The following MSH4 variants were observed in gnomAD, a reference collection of about 807,000 sequenced individuals.
MSH4 encodes mutS protein homolog 4.
MSH4 carries 106 observed loss-of-function variants against 113.7 expected under a neutral mutation model. The observed-to-expected ratio is 0.93, with a 90% CI of 0.80 to 1.10. The LOEUF is 1.10. Ranked by LOEUF, MSH4 falls within the 50% of genes least tolerant of loss-of-function variation. The pLI is 0.00. For missense variants in MSH4, 1,061 were observed against 1,093.7 expected, an observed-to-expected ratio of 0.97 and a Z score of 0.42; for synonymous variants, 368 against 380.2, an observed-to-expected ratio of 0.97 and a Z score of 0.37.
At chr1:75,889,392 A>C in intron 16 of MSH4, 23 bp downstream of exon 16, 1 of 1,089,908 alleles carries the variant, frequency 9.2e-7, no homozygotes, top group Non-Finnish European at 1.3e-6. Flanking sequence ...AACTTTTCTT[A>C]TGTTAAAAAC....
intron 7 of MSH4, among the ~76,000 whole-genome samples, chr1:75,828,250 G>T (rs1466677927): frequency 6.6e-6 from 1 of 152,162 alleles, no homozygotes; most frequent in African/African-American, 2.4e-5. Context: ...GCAGTTTGGA[G>T]ATTTCTCAGA....
intron 2 of MSH4, among the ~76,000 whole-genome samples, 171 bp from the exon 3 acceptor site, chr1:75,806,810 T>G (rs1199803806): frequency 3.3e-5 from 5 of 152,196 alleles, no homozygotes; most frequent in Admixed American, 3.3e-4. Context: ...TGATTGAAAT[T>G]ATAGTTGTAC....
At chr1:75,798,824 C>G (rs1649874898) in intron 1 of MSH4, among the ~76,000 whole-genome samples, 1 of 152,080 alleles carries the variant, frequency 6.6e-6, no homozygotes, top group Non-Finnish European at 1.5e-5. Context: ...TCCCAAAATG[C>G]TGGGATTACA....
In MSH4 at chr1:75,899,642, C is replaced by G. The variant is rs139950361; in HGVS notation, c.2555C>G (p.Ser852Ter). Residue 852 changes from serine to a stop codon, truncating the protein, a stop_gained, in exon 19 of 20, where the codon TCA becomes TGA. Transcript: ENST00000263187. LOFTEE classifies it high-confidence loss of function. ...NYGLKAAEVS[S>*]LPPSIVLDAK... ...GGATTAAAAGCTGCAGAGGTGTCAT[C>G]ACTTCCACCATCAATTGTCTTGGAT... 4.6e-6 allele frequency: 7 copies of G among 1,506,440 alleles called. No homozygotes were observed. In the African/African-American group the frequency reaches 7.3e-5, roughly 16 times the overall value. The allele number at this position is 1,506,440 out of a possible 1,614,324, so 93.3% of individuals were successfully genotyped here. A position where few individuals can be genotyped will look rare whatever the true frequency, so the allele number is the denominator to read the frequency against.
At position 75,797,081 on chromosome 1, in the gene MSH4, T is replaced by C; in HGVS notation, c.96T>C (p.Asn32=). The C allele has an allele frequency of 6.2e-7, 1 of 1,614,036 alleles. No homozygotes were observed. Among genetic ancestry groups the C allele is most frequent in the Non-Finnish European group, 8.5e-7 (1 of 1,179,918 alleles). Residue 32 remains asparagine, a synonymous_variant, in exon 1 of 20, where the codon AAT becomes AAC. Coordinates refer to ENST00000263187, the MANE Select transcript of MSH4 (RefSeq NM_002440.4). ...GCTCACCTCAGGGTCCCCGCTACAA[T>C]TTCGGACTCCAGGAGACTCCACAGA... ...ETRSPQGPRY[N]FGLQETPQSR...
In MSH4 at chr1:75,810,930, G is replaced by A. The variant is rs564429469; in HGVS notation, c.699+123G>A. On this transcript the variant is annotated intron_variant, in intron 4 of 19. Coordinates refer to ENST00000263187, the MANE Select transcript of MSH4 (RefSeq NM_002440.4). ...TCTGTCACCCAGGCTGGAGTGAAAG[G>A]GCGTGATCTCGGCTTACTGCAACCT... is the stretch of plus-strand genomic sequence containing the variant. The A allele has an allele frequency of 5.3e-5, 24 of 453,770 alleles. No individual in the cohort carries two copies. The South Asian group carries it at 1.0e-3, about 19-fold the overall frequency. The allele number at this position is 453,770 out of a possible 1,614,324, so 28.1% of individuals were successfully genotyped here. A position where few individuals can be genotyped will look rare whatever the true frequency, so the allele number is the denominator to read the frequency against.
intron 7 of MSH4, among the ~76,000 whole-genome samples, chr1:75,824,135 C>G (rs905484016): frequency 6.6e-6 from 1 of 152,124 alleles, no homozygotes; most frequent in African/African-American, 2.4e-5. Context: ...TCTCCAGCAT[C>G]TGTTGTTTCC....
chr1:75,882,503 ATCT>A (rs1318089187), intron 14 of MSH4, among the ~76,000 whole-genome samples: 1 of 151,838 alleles, frequency 6.6e-6, no homozygotes, highest in African/African-American at 2.4e-5. Flanking sequence ...ATTTGTGTTG[ATCT>A]TCTCTATTCT....
chr1:75,881,328 A>G lies in MSH4; in HGVS notation c.1864A>G (p.Met622Val). ...ATCTGACACTGTGTCAATGCTGGAT[A>G]TGCTACTGTCATTTGCTCATGCCTG... ...KLSDTVSMLD[M>V]LLSFAHACTL... The change falls in exon 14 of 20, where the codon ATG becomes GTG. Residue 622 changes from methionine to valine, a missense_variant. Physicochemically the swap from Met to Val is conservative, Grantham distance 21. Coordinates refer to ENST00000263187, the MANE Select transcript of MSH4 (RefSeq NM_002440.4). 1 of 1,612,084 alleles carries G rather than the reference A, an allele frequency of 6.2e-7. No homozygotes were observed. The highest frequency in any genetic ancestry group is 8.5e-7 in the Non-Finnish European group (1 of 1,179,020).
At chr1:75,827,720 A>G (rs1341734151) in intron 7 of MSH4, among the ~76,000 whole-genome samples, 1 of 152,118 alleles carries the variant, frequency 6.6e-6, no homozygotes, top group African/African-American at 2.4e-5. Flanking sequence ...GTCTCTGATA[A>G]AATGGACTTT....
chr1:75,911,484 C>T (rs2100600830), intron 19 of MSH4, among the ~76,000 whole-genome samples: 1 of 152,184 alleles, frequency 6.6e-6, no homozygotes, highest in South Asian at 2.1e-4. Context: ...AAGTGAGTTT[C>T]CCTTCCTCTG....
At position 75,889,308 on chromosome 1, in the gene MSH4, G is replaced by T. The variant is rs1290858451; in HGVS notation, c.2165G>T (p.Arg722Ile). The part of the protein sequence containing the change: ...SFRIAKQIFT[R>I]ISTDDDIETN... ...AGAATTGCTAAACAGATTTTTACAA[G>T]AATTAGTACTGATGATGATATCGAA... The change falls in exon 16 of 20, where the codon AGA becomes ATA. Residue 722 changes from arginine (R) to isoleucine (I), a missense_variant. Transcript: ENST00000263187. 1.3e-6 allele frequency: 2 copies of T among 1,539,534 alleles called. No individual in the cohort carries two copies. The highest frequency in any genetic ancestry group is 1.4e-5 in the African/African-American group (1 of 71,966).
intron 7 of MSH4, among the ~76,000 whole-genome samples, chr1:75,837,415 G>C (rs1467255833): frequency 7.7e-6 from 1 of 129,492 alleles, no homozygotes; most frequent in Non-Finnish European, 1.6e-5. Context: ...TTGAGACGGA[G>C]TCTTGCTGTC....
intron 14 of MSH4, among the ~76,000 whole-genome samples, chr1:75,883,242 A>G (rs1023621710): frequency 2.0e-5 from 3 of 151,136 alleles, no homozygotes; most frequent in Non-Finnish European, 4.4e-5. Context: ...CCTGAGCTCA[A>G]GCAATCAAGC....
intron 7 of MSH4, among the ~76,000 whole-genome samples, chr1:75,824,255 A>T (rs1218863438): frequency 1.1e-4 from 16 of 151,908 alleles, no homozygotes; most frequent in Non-Finnish European, 1.5e-4. Context: ...CATATGTTTG[A>T]TGGCCGCACA....
intron 19 of MSH4, among the ~76,000 whole-genome samples, chr1:75,904,410 T>C (rs758495991): frequency 9.2e-5 from 14 of 152,230 alleles, no homozygotes; most frequent in Non-Finnish European, 1.6e-4. Context: ...TCCTCTGTAA[T>C]TAATTGAAAT....
chr1:75,875,334 G>C (rs966433365), intron 9 of MSH4, among the ~76,000 whole-genome samples: 3 of 152,138 alleles, frequency 2.0e-5, no homozygotes, highest in Admixed American at 2.0e-4. Context: ...CAGAAAAAAC[G>C]CCTACAGATA....
chr1:75,807,395 C>T lies in MSH4; in HGVS notation c.588+254C>T, dbSNP rs5745330. Among the ~76,000 whole-genome samples the T allele has an allele frequency of 7.7e-3, 1,171 of 152,222 alleles. 11 individuals carry two copies. Among genetic ancestry groups the T allele is most frequent in the African/African-American group, 0.027 (1,123 of 41,540 alleles). The stretch of plus-strand genomic sequence containing the variant: ...TAGTATTAGTTTCTAAAATTAACAT[C>T]TTCAAATTAATAATTTCTGGATTTA... On this transcript the variant is annotated intron_variant, in intron 3 of 19. Transcript: ENST00000263187.
chr1:75,884,991 GTATA>G (rs1350555544), intron 15 of MSH4, among the ~76,000 whole-genome samples: 1 of 145,792 alleles, frequency 6.9e-6, no homozygotes, highest in Non-Finnish European at 1.5e-5. Flanking sequence ...ATATATATGT[GTATA>G]TATATGTGTG....
Sources: allele counts gnomAD v4.1 joint callset (sites outside exome capture counted in the v4.1 genomes callset), GRCh38; gene constraint gnomAD v4.1.1; transcripts MANE v1.5; gene names NCBI Gene and HGNC (gene_info 2026-07-23, HGNC 2026-07-21).